The following DLC1 variants were observed in gnomAD, a reference collection of about 807,000 sequenced individuals.
DLC1 encodes DLC1 Rho GTPase activating protein, also known as rho GTPase-activating protein 7.
A neutral mutation model predicts 140.3 loss-of-function variants in DLC1; 54 were observed. That is an observed-to-expected ratio of 0.38 (90% CI 0.31 to 0.48). The LOEUF is 0.48. Among genes scored for constraint, DLC1 ranks in the 20% least tolerant of loss-of-function variants. The pLI is 0.96. For missense variants in DLC1, 2,536 were observed against 1,907.0 expected (o/e 1.33, Z -6.14); for synonymous variants, 986 against 728.1 (o/e 1.35, Z -5.70).
rs571257085 is a variant in DLC1 at position 13,494,801 on chromosome 8, A to G, written c.1023+4248T>C. Among the ~76,000 whole-genome samples the G allele has an allele frequency of 2.6e-5, 4 of 152,186 alleles. No homozygotes were observed. The East Asian group carries it at 7.8e-4, about 30-fold the overall frequency. The stretch of plus-strand genomic sequence containing the variant: ...CCCCATGTCTACTAAAAATATAAAA[A>G]TTAGCCAGATGTGAGGGTGCACTCC... On this transcript the variant is annotated intron_variant, in intron 2 of 17. Transcript: ENST00000276297.
chr8:13,378,657 G>GA (rs1554508621), intron 4 of DLC1, among the ~76,000 whole-genome samples: 1 of 151,944 alleles, frequency 6.6e-6, no homozygotes, highest in Non-Finnish European at 1.5e-5. Flanking sequence ...CTTATTACAT[G>GA]TTTTTTTGTT....
At chr8:13,471,741 GGAGAAAGA>G (rs1800218452) in intron 2 of DLC1, among the ~76,000 whole-genome samples, 1 of 152,004 alleles carries the variant, frequency 6.6e-6, no homozygotes, top group East Asian at 1.9e-4. Flanking sequence ...AGGGAGGAAA[GGAGAAAGA>G]GAGAAAGAGA....
At chr8:13,347,671 C>T (rs1834415848) in intron 4 of DLC1, among the ~76,000 whole-genome samples, 1 of 152,062 alleles carries the variant, frequency 6.6e-6, no homozygotes. Flanking sequence ...ATGCCTGGGC[C>T]ATAAACAAAT....
At chr8:13,516,562 A>C (rs1416115260), upstream of DLC1, among the ~76,000 whole-genome samples, 1 of 152,198 alleles carries the variant, frequency 6.6e-6, no homozygotes, top group Non-Finnish European at 1.5e-5. Flanking sequence ...GGCAAGAATG[A>C]CTTATACTGT....
intron 2 of DLC1, among the ~76,000 whole-genome samples, chr8:13,464,520 A>T (rs1021265953): frequency 4.6e-5 from 7 of 151,988 alleles, no homozygotes; most frequent in African/African-American, 1.7e-4. Context: ...CAGTTGATAC[A>T]CGAAACATAT....
At chr8:13,481,065 A>T (rs1367047569) in intron 2 of DLC1, among the ~76,000 whole-genome samples, 4 of 152,196 alleles carry the variant, frequency 2.6e-5, no homozygotes, top group African/African-American at 9.7e-5. Context: ...AGTATGAGAG[A>T]TCATAATTCT....
At chr8:13,474,029 C>T (rs976998901) in intron 2 of DLC1, among the ~76,000 whole-genome samples, 1 of 152,190 alleles carries the variant, frequency 6.6e-6, no homozygotes, top group Middle Eastern at 3.2e-3. Context: ...AAATGTTAAT[C>T]CCCAAGACAG....
At chr8:13,589,876 A>C (rs537727755) in intron 1 of DLC1, among the ~76,000 whole-genome samples, 20 of 152,000 alleles carry the variant, frequency 1.3e-4, no homozygotes, top group African/African-American at 3.6e-4. Flanking sequence ...TATATGTATA[A>C]ACCTAGTGTT....
chr8:13,397,673 A>T (rs1055761793), intron 3 of DLC1, among the ~76,000 whole-genome samples: 13 of 46,928 alleles, frequency 2.8e-4, no homozygotes, highest in Non-Finnish European at 5.1e-4. Flanking sequence ...TACAAAAATT[A>T]AAAAAAAAAA....
intron 5 of DLC1, among the ~76,000 whole-genome samples, chr8:13,200,659 C>T (rs543714232): frequency 2.0e-5 from 3 of 151,926 alleles, no homozygotes; most frequent in African/African-American, 7.2e-5. Context: ...GGCTGGCCTG[C>T]AGTAGTACAG....
At chr8:13,384,810 A>T (rs1299082465) in intron 4 of DLC1, among the ~76,000 whole-genome samples, 1 of 152,116 alleles carries the variant, frequency 6.6e-6, no homozygotes, top group East Asian at 1.9e-4. Flanking sequence ...GAACTCACTG[A>T]TGAAGAAACC....
intron 4 of DLC1, among the ~76,000 whole-genome samples, chr8:13,374,979 T>C (rs1835902251): frequency 6.6e-6 from 1 of 152,122 alleles, no homozygotes; most frequent in South Asian, 2.1e-4. Flanking sequence ...AGTTCACTCA[T>C]GATTTGGCTC....
chr8:13,396,795 A>T (rs1475062361), intron 3 of DLC1, among the ~76,000 whole-genome samples: 2 of 152,130 alleles, frequency 1.3e-5, no homozygotes, highest in African/African-American at 4.8e-5. Context: ...TTCTCTGTTC[A>T]ATTTGAGAAA....
At chr8:13,142,994 G>C (rs1421878027) in intron 5 of DLC1, among the ~76,000 whole-genome samples, 1 of 149,162 alleles carries the variant, frequency 6.7e-6, no homozygotes, top group African/African-American at 2.5e-5. Context: ...GGTGAGCCAA[G>C]ATTGTGCCGT....
At chr8:13,423,378 A>C (rs941914586) in intron 2 of DLC1, among the ~76,000 whole-genome samples, 10 of 152,164 alleles carry the variant, frequency 6.6e-5, no homozygotes, top group African/African-American at 2.4e-4. Flanking sequence ...ATTTGTTTCA[A>C]GGTGAACCTA....
intron 1 of DLC1, among the ~76,000 whole-genome samples, chr8:13,501,462 C>T (rs79996012): frequency 3.3e-5 from 5 of 152,112 alleles, no homozygotes; most frequent in African/African-American, 9.7e-5. Context: ...TTACTTCACA[C>T]GAGAACTGTC....
intron 5 of DLC1, among the ~76,000 whole-genome samples, chr8:13,164,328 ATCTGTCTGTCTG>A (rs1190026067): frequency 1.4e-5 from 2 of 147,110 alleles, no homozygotes; most frequent in Non-Finnish European, 3.0e-5. Context: ...CTATCTATCT[ATCTGTCTGTCTG>A]TCTGTCTGTC....
At chr8:13,580,389 G>C (rs1485368811) in intron 1 of DLC1, among the ~76,000 whole-genome samples, 1 of 152,180 alleles carries the variant, frequency 6.6e-6, no homozygotes, top group Non-Finnish European at 1.5e-5. Context: ...CCAAAGTGCT[G>C]GGATTACAGG....
chr8:13,438,962 G>A (rs1213837910), intron 2 of DLC1, among the ~76,000 whole-genome samples: 2 of 152,060 alleles, frequency 1.3e-5, no homozygotes, highest in East Asian at 1.9e-4. Flanking sequence ...CTGCTGTTAC[G>A]GTGCAAAAAC....
Sources: allele counts gnomAD v4.1 joint callset (sites outside exome capture counted in the v4.1 genomes callset), GRCh38; gene constraint gnomAD v4.1.1; transcripts MANE v1.5; gene names NCBI Gene and HGNC (gene_info 2026-07-23, HGNC 2026-07-21).